Variants in UQCRC2 observed in about 807,000 individuals in gnomAD.
The protein encoded by UQCRC2 is ubiquinol-cytochrome c reductase core protein 2.
UQCRC2 carries 49 observed loss-of-function variants against 55.6 expected under a neutral mutation model. The ratio of observed to expected loss-of-function variants is 0.88; its 90% CI spans 0.70 to 1.12. UQCRC2 has a LOEUF of 1.12. Ranked by LOEUF, UQCRC2 falls within the 50% of genes most tolerant of loss-of-function variation. The pLI is 0.00. For synonymous variants in UQCRC2, 193 were observed against 192.0 expected (o/e 1.01, Z -0.04); for missense variants, 506 against 547.8 (o/e 0.92, Z 0.76).
intron 1 of UQCRC2, 25 bp from the exon 2 acceptor site, chr16:21,957,210 T>C (rs1213789968): frequency 6.2e-7 from 1 of 1,610,074 alleles, no homozygotes; most frequent in African/African-American, 1.3e-5. Flanking sequence ...GAGAAATACG[T>C]GTAACCTGTG....
chr16:21,972,800 AT>A (rs1270625050), intron 10 of UQCRC2, among the ~76,000 whole-genome samples: 1 of 152,166 alleles, frequency 6.6e-6, no homozygotes, highest in African/African-American at 2.4e-5. Context: ...CAGAATTATA[AT>A]TAAAGAAATT....
intron 4 of UQCRC2, 114 bp downstream of exon 4, chr16:21,958,713 A>G: frequency 1.1e-6 from 1 of 871,772 alleles, no homozygotes; most frequent in Non-Finnish European, 1.8e-6. Flanking sequence ...ATAAGAAGGA[A>G]AAGACTGATG....
chr16:21,953,371 A>G lies in UQCRC2; in HGVS notation c.-53A>G, dbSNP rs369053955. 314 of 1,603,612 alleles carry G rather than the reference A, an allele frequency of 2.0e-4. No homozygotes were observed. Among genetic ancestry groups the G allele is most frequent in the Non-Finnish European group, 2.6e-4 (301 of 1,175,146 alleles). On this transcript the variant is annotated 5_prime_UTR_variant, in exon 1 of 14. Coordinates refer to ENST00000268379, the MANE Select transcript of UQCRC2 (RefSeq NM_003366.4). ...TGGGAAACTCCCGGCCTCCGCCACC[A>G]TCTTGCTTTCCTTTAATCCGGCAGT...
chr16:21,973,222 T>C (rs1273246088), intron 10 of UQCRC2, among the ~76,000 whole-genome samples: 1 of 152,220 alleles, frequency 6.6e-6, no homozygotes, highest in African/African-American at 2.4e-5. Flanking sequence ...TTGTTAAAAA[T>C]CTGGGCTTCC....
intron 11 of UQCRC2, among the ~76,000 whole-genome samples, chr16:21,975,566 G>A (rs938400770): frequency 5.3e-5 from 8 of 152,160 alleles, no homozygotes; most frequent in African/African-American, 1.7e-4. Context: ...TATTTACCAA[G>A]TACCCACATC....
At chr16:21,964,980 A>G (rs576375923) in intron 6 of UQCRC2, among the ~76,000 whole-genome samples, 3 of 152,330 alleles carry the variant, frequency 2.0e-5, no homozygotes, top group East Asian at 1.9e-4. Flanking sequence ...GTCCCCTGAA[A>G]GCTACCTGAC....
chr16:21,965,643 G>T, intron 7 of UQCRC2, 138 bp downstream of exon 7: 1 of 633,972 alleles, frequency 1.6e-6, no homozygotes, highest in Non-Finnish European at 2.4e-6. Flanking sequence ...TCATCCACCT[G>T]CTTTTTAACT....
chr16:21,955,410 T>C (rs1898071795), intron 1 of UQCRC2, among the ~76,000 whole-genome samples: 1 of 152,224 alleles, frequency 6.6e-6, no homozygotes, highest in Non-Finnish European at 1.5e-5. Context: ...TTGCAGACTG[T>C]GCAGGGATGT....
chr16:21,971,862 G>A (rs1898470215), intron 9 of UQCRC2, 61 bp from the exon 10 acceptor site: 1 of 1,603,712 alleles, frequency 6.2e-7, no homozygotes, highest in South Asian at 1.1e-5. Flanking sequence ...AAATACTGGA[G>A]AATGAAACCA....
At chr16:21,971,798 T>TG in intron 9 of UQCRC2, 125 bp from the exon 10 acceptor site, 1 of 1,403,670 alleles carries the variant, frequency 7.1e-7, no homozygotes, top group Non-Finnish European at 9.9e-7. Context: ...CAGGATGGCA[T>TG]GGGGAAAGCA....
At chr16:21,965,349 A>T (rs1597956736) in intron 6 of UQCRC2, 59 bp from the exon 7 acceptor site, 1 of 1,537,382 alleles carries the variant, frequency 6.5e-7, no homozygotes, top group Non-Finnish European at 9.0e-7. Context: ...TCTAGGTTTT[A>T]AAAATGTTGT....
chr16:21,959,781 C>G (rs1230052759), intron 4 of UQCRC2: 1 of 152,180 alleles, frequency 6.6e-6, no homozygotes, highest in Non-Finnish European at 1.5e-5. Context: ...CTCCTTGATC[C>G]ATGGGGTGCA....
intron 1 of UQCRC2, 68 bp downstream of exon 1, chr16:21,953,524 A>T (rs1266473416): frequency 6.3e-7 from 1 of 1,580,198 alleles, no homozygotes; most frequent in African/African-American, 1.3e-5. Context: ...TACGAGGCGG[A>T]GGTGTCTGGT....
intron 1 of UQCRC2, among the ~76,000 whole-genome samples, chr16:21,953,959 C>T (rs920670174): frequency 6.6e-6 from 1 of 152,160 alleles, no homozygotes; most frequent in African/African-American, 2.4e-5. Flanking sequence ...TCTTAGTAGT[C>T]TAACGTTGCT....
intron 9 of UQCRC2, 23 bp downstream of exon 9, chr16:21,971,643 G>T (rs1411882568): frequency 8.7e-6 from 14 of 1,608,076 alleles, no homozygotes; most frequent in Non-Finnish European, 1.2e-5. Flanking sequence ...TTCTATTAGG[G>T]TTAATTTATC....
intron 4 of UQCRC2, among the ~76,000 whole-genome samples, chr16:21,961,670 T>TATATATATATATATA (rs1567470647): frequency 2.1e-4 from 10 of 48,762 alleles, no homozygotes; most frequent in South Asian, 6.2e-4. Context: ...ATATATATAT[T>TATATATATATATATA]TTAGACAGTC....
chr16:21,980,241 T>G, intron 12 of UQCRC2: 4 of 282,422 alleles, frequency 1.4e-5, no homozygotes, highest in East Asian at 6.7e-5. Flanking sequence ...TTGGGAAGCA[T>G]TAGGGAGCTC....
chr16:21,968,928 G>A (rs1444787621), intron 8 of UQCRC2, among the ~76,000 whole-genome samples: 1 of 152,122 alleles, frequency 6.6e-6, no homozygotes, highest in Non-Finnish European at 1.5e-5. Flanking sequence ...CTGTGACAAA[G>A]GTGAATTTCT....
intron 1 of UQCRC2, 89 bp downstream of exon 1, chr16:21,953,545 G>A (rs1276517790): frequency 7.9e-6 from 12 of 1,514,328 alleles, no homozygotes; most frequent in Non-Finnish European, 1.1e-5. Context: ...CTGGGGTCTG[G>A]GCCTTGGGAT....
Sources: allele counts gnomAD v4.1 joint callset (sites outside exome capture counted in the v4.1 genomes callset), GRCh38; gene constraint gnomAD v4.1.1; transcripts MANE v1.5; gene names NCBI Gene and HGNC (gene_info 2026-07-23, HGNC 2026-07-21).